UBR1: variants seen among roughly 807,000 people sequenced by gnomAD.
UBR1 encodes the protein E3 ubiquitin-protein ligase UBR1.
In UBR1, 102 loss-of-function variants were observed where a neutral mutation model predicts 242.1. The observed-to-expected ratio is 0.42, with a 90% CI of 0.36 to 0.50. The LOEUF is 0.50. UBR1 is among the 20% of genes least tolerant of loss of function. UBR1 has a pLI of 0.01. For missense variants in UBR1, 1,772 were observed against 2,101.8 expected, an observed-to-expected ratio of 0.84 and a Z score of 3.07; for synonymous variants, 675 against 684.8, an observed-to-expected ratio of 0.99 and a Z score of 0.22.
At chr15:42,954,099 G>C (rs1266630080) in intron 44 of UBR1, among the ~76,000 whole-genome samples, 1 of 151,812 alleles carries the variant, frequency 6.6e-6, no homozygotes, top group African/African-American at 2.4e-5. Flanking sequence ...TGCCTAGGCT[G>C]GTCTTGAACT....
intron 12 of UBR1, among the ~76,000 whole-genome samples, chr15:43,050,018 C>A (rs1026571986): frequency 1.3e-5 from 2 of 152,138 alleles, no homozygotes; most frequent in African/African-American, 4.8e-5. Flanking sequence ...GTGGTGCAAT[C>A]ATAGCTCACC....
At chr15:42,973,279 T>C (rs2032235605) in intron 39 of UBR1, among the ~76,000 whole-genome samples, 1 of 152,182 alleles carries the variant, frequency 6.6e-6, no homozygotes, top group Admixed American at 6.5e-5. Context: ...ATTACAGGCA[T>C]GAGCTATTGC....
intron 5 of UBR1, among the ~76,000 whole-genome samples, chr15:43,069,944 C>A (rs2033803837): frequency 6.6e-6 from 1 of 152,122 alleles, no homozygotes; most frequent in African/African-American, 2.4e-5. Flanking sequence ...TTTATTTCCA[C>A]AAGTGGTTTT....
At position 42,950,574 on chromosome 15, in the gene UBR1, C is replaced by T. The variant is rs572251426; in HGVS notation, c.5007-211G>A. On this transcript the variant is annotated intron_variant, in intron 45 of 46. Coordinates refer to ENST00000290650, the MANE Select transcript of UBR1 (RefSeq NM_174916.3). The stretch of plus-strand genomic sequence containing the variant: ...TTCTGTTGAAGCTATAGAAAAGGAG[C>T]AGTGGATTTGGTGAAATGAGATCAT... The T allele has an allele frequency of 2.5e-5, 14 of 567,158 alleles. No homozygotes were observed. The African/African-American group carries it at 2.6e-4, about 11-fold the overall frequency. 35.1% of individuals were successfully genotyped at this position (567,158 alleles called of 1,614,324 possible).
chr15:43,005,703 AAAG>A (rs1386729165), intron 30 of UBR1, among the ~76,000 whole-genome samples: 1 of 152,220 alleles, frequency 6.6e-6, no homozygotes, highest in Non-Finnish European at 1.5e-5. Context: ...GTCTGTGTAG[AAAG>A]AAGTAGACAT....
intron 25 of UBR1, among the ~76,000 whole-genome samples, chr15:43,023,760 T>C (rs1337006377): frequency 2.0e-5 from 3 of 152,092 alleles, no homozygotes; most frequent in Non-Finnish European, 2.9e-5. Context: ...CTTTTGACCA[T>C]AGTGGTGATG....
In UBR1 at chr15:42,945,358, A is replaced by G; in HGVS notation, c.5221T>C (p.Leu1741=). Residue 1741 remains leucine (L), a synonymous_variant, in exon 47 of 47, where the codon TTA becomes CTA. Transcript: ENST00000290650. ...AGTAACTGCCAGTTGAATCCAAATA[A>G]CATCTGATTAGTCTCTTGGCTCCTA... is the stretch of plus-strand genomic sequence containing the variant. ...IARSQETNQM[L]FGFNWQLL 4 of 1,614,180 alleles carry G rather than the reference A, an allele frequency of 2.5e-6. 1 individual carries two copies.
At chr15:43,046,806 G>T (rs949135787) in intron 14 of UBR1, among the ~76,000 whole-genome samples, 5 of 152,064 alleles carry the variant, frequency 3.3e-5, no homozygotes, top group African/African-American at 1.2e-4. Context: ...ATACAACAAA[G>T]CTCTTGAATG....
intron 39 of UBR1, among the ~76,000 whole-genome samples, chr15:42,974,011 C>A (rs2032248825): frequency 6.6e-6 from 1 of 151,574 alleles, no homozygotes. Flanking sequence ...GCCTCAGCCT[C>A]CCAAGTAGCT....
rs147756259 is a variant in UBR1 at position 43,010,768 on chromosome 15, T to C, written c.3210-3484A>G. Among the ~76,000 whole-genome samples the C allele has an allele frequency of 5.4e-3, 789 of 146,734 alleles. 10 individuals are homozygous for C. The highest frequency in any genetic ancestry group is 0.019 in the African/African-American group (756 of 39,472). ...TGGGAAGATCACTTGAGGCCAGGAG[T>C]TCGAGACCAGCCTGGCCAAAATGGT... On this transcript the variant is annotated intron_variant, in intron 29 of 46. Coordinates refer to ENST00000290650, the MANE Select transcript of UBR1 (RefSeq NM_174916.3).
At chr15:42,989,640 T>C (rs2032525750) in intron 34 of UBR1, among the ~76,000 whole-genome samples, 1 of 151,986 alleles carries the variant, frequency 6.6e-6, no homozygotes, top group African/African-American at 2.4e-5. Context: ...GCAAGAAAAA[T>C]GAACGGGTGG....
intron 40 of UBR1, 49 bp from the exon 41 acceptor site, chr15:42,966,335 G>C: frequency 6.2e-7 from 1 of 1,609,418 alleles, no homozygotes. Context: ...TCAGACTAAA[G>C]CCCTAGATTT....
intron 19 of UBR1, 137 bp from the exon 20 acceptor site, chr15:43,032,768 C>T: frequency 3.5e-6 from 2 of 578,394 alleles, no homozygotes; most frequent in Non-Finnish European, 6.2e-6. Context: ...TATGTGTGCA[C>T]AGCACAAATA....
chr15:42,990,138 A>G lies in UBR1; in HGVS notation c.3758-18T>C, dbSNP rs777214047. ...GTTTTCTCCTTATAAATTAAAAGGA[A>G]AAAGAAAGAAAAATCATGAATGAGT... On this transcript the variant is annotated intron_variant, in intron 33 of 46. Transcript: ENST00000290650. 6.6e-7 allele frequency: 1 copy of G among 1,510,560 alleles called. No homozygotes were observed. The highest frequency in any genetic ancestry group is 9.1e-7 in the Non-Finnish European group (1 of 1,101,876). The allele number at this position is 1,510,560 out of a possible 1,614,324, so 93.6% of individuals were successfully genotyped here.
chr15:43,098,936 G>A (rs2034193218), intron 1 of UBR1, among the ~76,000 whole-genome samples: 1 of 152,022 alleles, frequency 6.6e-6, no homozygotes, highest in African/African-American at 2.4e-5. Flanking sequence ...CTGTGCTCTG[G>A]CCTAAAACAA....
At position 43,037,828 on chromosome 15, in the gene UBR1, A is replaced by G; in HGVS notation, c.1967T>C (p.Val656Ala). Residue 656 changes from valine (V) to alanine (A), a missense_variant, in exon 17 of 47, where the codon GTT becomes GCT. Physicochemically the swap from Val to Ala is moderately conservative, Grantham distance 64. Coordinates refer to ENST00000290650, the MANE Select transcript of UBR1 (RefSeq NM_174916.3). The stretch of plus-strand genomic sequence containing the variant: ...CCACATCTCAGCAACAACCTGGGCA[A>G]CCAACACCAGACAACGTAAAGGATA... ...VEYPLRCLVL[V>A]AQVVAEMWRR... 1 of 1,614,180 alleles carries G rather than the reference A, an allele frequency of 6.2e-7. No individual in the cohort carries two copies. Among genetic ancestry groups the G allele is most frequent in the East Asian group, 2.2e-5 (1 of 44,864 alleles).
At chr15:43,049,801 C>A (rs1172562037) in intron 12 of UBR1, among the ~76,000 whole-genome samples, 2 of 152,182 alleles carry the variant, frequency 1.3e-5, no homozygotes, top group Non-Finnish European at 2.9e-5. Context: ...AAATCTGCCA[C>A]ATTGAACAAA....
chr15:42,998,782 G>C (rs559200145), intron 32 of UBR1, among the ~76,000 whole-genome samples: 40 of 152,080 alleles, frequency 2.6e-4, no homozygotes, highest in Non-Finnish European at 5.3e-4. Flanking sequence ...TCATACAGCA[G>C]CTAGAAGAAT....
chr15:42,949,165 A>C (rs1420480604), intron 46 of UBR1, among the ~76,000 whole-genome samples: 1 of 151,776 alleles, frequency 6.6e-6, no homozygotes, highest in African/African-American at 2.4e-5. Flanking sequence ...CATTCTCAGT[A>C]AACTATTGCA....
Sources: allele counts gnomAD v4.1 joint callset (sites outside exome capture counted in the v4.1 genomes callset), GRCh38; gene constraint gnomAD v4.1.1; transcripts MANE v1.5; gene names NCBI Gene and HGNC (gene_info 2026-07-23, HGNC 2026-07-21).